The following TMIGD2 variants were observed in gnomAD, a reference collection of about 807,000 sequenced individuals.
TMIGD2 encodes the protein transmembrane and immunoglobulin domain-containing protein 2.
Under a neutral mutation model 22.6 loss-of-function variants are expected in TMIGD2, and 18 were observed. That is an observed-to-expected ratio of 0.80 (90% CI 0.55 to 1.18). The LOEUF (loss-of-function observed/expected upper bound fraction) is 1.18. TMIGD2 is among the 50% of genes most tolerant of loss of function. The pLI, the probability that TMIGD2 is intolerant of heterozygous loss-of-function variation, is 0.00. For synonymous variants in TMIGD2, 184 were observed against 154.1 expected (o/e 1.19, Z -1.44); for missense variants, 361 against 378.2 (o/e 0.95, Z 0.38).
At chr19:4,292,462 C>T (rs1352322904) in exon 5 of TMIGD2, 2 of 919,776 alleles carry the variant, frequency 2.2e-6, no homozygotes, top group African/African-American at 3.3e-5. Flanking sequence ...GTCTCAAACC[C>T]CTGACCTCAA....
At chr19:4,297,892 T>C (rs1971481917) in intron 2 of TMIGD2, 94 bp downstream of exon 2, 11 of 1,418,022 alleles carry the variant, frequency 7.8e-6, no homozygotes, top group African/African-American at 2.9e-5. Flanking sequence ...ATGAAGAATT[T>C]AGAGTTTTTT....
At chr19:4,298,021 G>T in exon 2 of TMIGD2, 3 of 1,610,252 alleles carry the variant, frequency 1.9e-6, no homozygotes, top group Non-Finnish European at 2.5e-6. Context: ...GTTGCCCTCA[G>T]CCTCCTCCAA....
intron 1 of TMIGD2, among the ~76,000 whole-genome samples, chr19:4,299,702 C>T (rs1024689175): frequency 1.3e-5 from 2 of 151,586 alleles, no homozygotes; most frequent in African/African-American, 2.4e-5. Context: ...GTCTGGCCAA[C>T]GTGGTGAAAC....
rs76713966 is a variant in TMIGD2 at position 4,292,689 on chromosome 19, G to C, written c.759C>G (p.Gly253=). Reference sequence around the variant, plus strand: ...AGACCCTGACCATAGAGACGGGGTGGCCGGGCCTGGGGCTGGGGCAGGGTC... The same window carrying C: ...AGACCCTGACCATAGAGACGGGGTGCCCGGGCCTGGGGCTGGGGCAGGGTC... The change falls in exon 5 of 5, where the codon GGC becomes GGG. Residue 253 remains glycine (G), a synonymous_variant. Coordinates refer to ENST00000301272, the Ensembl canonical transcript of TMIGD2. The C allele has an allele frequency of 2.3e-3, 3,661 of 1,603,166 alleles. 84 individuals are homozygous for C. In the African/African-American group the frequency reaches 0.043, roughly 19 times the overall value.
intron 1 of TMIGD2, among the ~76,000 whole-genome samples, chr19:4,299,959 A>T (rs1971513503): frequency 6.6e-6 from 1 of 151,300 alleles, no homozygotes; most frequent in African/African-American, 2.4e-5. Context: ...TCACTGCAGG[A>T]TCAACCTCCT....
intron 4 of TMIGD2, among the ~76,000 whole-genome samples, chr19:4,293,147 T>C (rs1209121476): frequency 3.3e-5 from 5 of 151,838 alleles, no homozygotes; most frequent in Admixed American, 3.3e-4. Flanking sequence ...GTATTTTTAG[T>C]AGAGACGGGG....
At chr19:4,301,668 T>TCAAAA (rs940399972) in intron 1 of TMIGD2, among the ~76,000 whole-genome samples, 3 of 152,012 alleles carry the variant, frequency 2.0e-5, no homozygotes, top group East Asian at 1.9e-4. Flanking sequence ...AGACTCCTTC[T>TCAAAA]CAAAACAAAA....
At chr19:4,295,260 C>CAAACAAAAAA (rs1971446732) in intron 2 of TMIGD2, among the ~76,000 whole-genome samples, 1 of 79,260 alleles carries the variant, frequency 1.3e-5, no homozygotes, top group Non-Finnish European at 2.3e-5. Flanking sequence ...GACTCTGCCT[C>CAAACAAAAAA]AAAAAAAAAA....
chr19:4,294,863 C>T (rs780301600), intron 2 of TMIGD2, 47 bp from the exon 3 acceptor site: 1 of 1,512,792 alleles, frequency 6.6e-7, no homozygotes, highest in Non-Finnish European at 8.8e-7. Context: ...CTTCTCCACC[C>T]TCCAAGGACA....
chr19:4,294,557 C>A (rs1209890394), intron 4 of TMIGD2, 22 bp downstream of exon 4: 2 of 1,610,482 alleles, frequency 1.2e-6, no homozygotes, highest in Non-Finnish European at 1.7e-6. Context: ...TCCGCCCTAC[C>A]CTCCCTTACC....
At chr19:4,297,409 G>A (rs1397884051) in intron 2 of TMIGD2, among the ~76,000 whole-genome samples, 1 of 151,996 alleles carries the variant, frequency 6.6e-6, no homozygotes, top group Non-Finnish European at 1.5e-5. Flanking sequence ...TCGCTCTGTC[G>A]CCCAGGCTGG....
rs184104123 is a variant in TMIGD2 at position 4,297,917 on chromosome 19, A to G, written c.406+69T>C. ...TAGAGTTTTTTGTTTCTAGGAGTTT[A>G]AGACTCAAAAGTCTTAAGATTCTAG... On this transcript the variant is annotated intron_variant, in intron 2 of 4. Coordinates refer to ENST00000301272, the Ensembl canonical transcript of TMIGD2. The G allele has an allele frequency of 4.6e-4, 683 of 1,473,186 alleles. 2 individuals are homozygous for G. In the African/African-American group the frequency reaches 9.0e-3, roughly 19 times the overall value. The allele number at this position is 1,473,186 out of a possible 1,614,324, so 91.3% of individuals were successfully genotyped here.
intron 1 of TMIGD2, 87 bp from the exon 2 acceptor site, chr19:4,298,432 G>A: frequency 1.4e-6 from 2 of 1,463,994 alleles, no homozygotes; most frequent in African/African-American, 2.8e-5. Context: ...CCCGCAGTCT[G>A]GGTTTGAAAC....
chr19:4,297,358 C>T (rs67734141), intron 2 of TMIGD2, among the ~76,000 whole-genome samples: 7,191 of 151,500 alleles, frequency 0.047, 179 homozygotes, highest in Middle Eastern at 0.11. Context: ...GATGAGCTAC[C>T]GCGCCCAGCT....
At chr19:4,292,647 G>C in exon 5 of TMIGD2, 1 of 1,612,638 alleles carries the variant, frequency 6.2e-7, no homozygotes, top group Non-Finnish European at 8.5e-7. Flanking sequence ...GCTGCTGGGT[G>C]GGGCTTGGTC....
intron 1 of TMIGD2, among the ~76,000 whole-genome samples, chr19:4,301,368 A>C (rs1443304647): frequency 6.6e-6 from 1 of 152,154 alleles, no homozygotes; most frequent in Non-Finnish European, 1.5e-5. Flanking sequence ...AGTGAGACCC[A>C]TCTCTAAAAA....
At chr19:4,293,805 AG>A (rs1971420028) in intron 4 of TMIGD2, among the ~76,000 whole-genome samples, 1 of 151,680 alleles carries the variant, frequency 6.6e-6, no homozygotes, top group African/African-American at 2.4e-5. Context: ...TGTGTCGCCC[AG>A]GCTGGAGTGT....
chr19:4,295,746 G>A (rs991863779), intron 2 of TMIGD2, among the ~76,000 whole-genome samples: 13 of 151,946 alleles, frequency 8.6e-5, no homozygotes, highest in Admixed American at 2.0e-4. Context: ...TTTTATAGAC[G>A]GGGAAACCGA....
rs1023198267 is a variant in TMIGD2, at chr19:4,294,610, C to A, written c.519G>T (p.Trp173Cys). Residue 173 changes from tryptophan to cysteine, a missense_variant, in exon 4 of 5, where the codon TGG (tryptophan) becomes TGT (cysteine). Coordinates refer to ENST00000301272, the Ensembl canonical transcript of TMIGD2. ...CCCTTTGCTGGCAGCTGCGGCGGCC[C>A]CAGAACCAGGCACCCCACACGATCG... The A allele has an allele frequency of 7.5e-6, 12 of 1,610,604 alleles. No homozygotes were observed. The African/African-American group carries it at 1.6e-4, about 22-fold the overall frequency.
Sources: allele counts gnomAD v4.1 joint callset (sites outside exome capture counted in the v4.1 genomes callset), GRCh38; gene constraint gnomAD v4.1.1; transcripts MANE v1.5; gene names NCBI Gene and HGNC (gene_info 2026-07-23, HGNC 2026-07-21).